The following CACNA2D3 variants were observed in gnomAD, a reference collection of about 807,000 sequenced individuals.
CACNA2D3 encodes calcium voltage-gated channel auxiliary subunit alpha2delta 3, also known as voltage-dependent calcium channel subunit alpha-2/delta-3.
CACNA2D3 carries 60 observed loss-of-function variants against 160.6 expected under a neutral mutation model. The ratio of observed to expected loss-of-function variants is 0.37; its 90% CI spans 0.30 to 0.46. The LOEUF (loss-of-function observed/expected upper bound fraction) is 0.46. Ranked by LOEUF, CACNA2D3 falls within the 20% of genes least tolerant of loss-of-function variation. The pLI, the probability that CACNA2D3 is intolerant of heterozygous loss-of-function variation, is 1.00. For synonymous variants in CACNA2D3, 558 were observed against 492.9 expected, an observed-to-expected ratio of 1.13 and a Z score of -1.75; for missense variants, 1,205 against 1,365.0, an observed-to-expected ratio of 0.88 and a Z score of 1.85.
chr3:54,503,354 C>T (rs1397208450), intron 4 of CACNA2D3, 138 bp from the exon 5 acceptor site: 16 of 697,942 alleles, frequency 2.3e-5, no homozygotes, highest in Admixed American at 5.2e-5. Flanking sequence ...ATGGACAGTA[C>T]ATAAGACATA....
chr3:54,322,173 G>C (rs1162863795), intron 3 of CACNA2D3, among the ~76,000 whole-genome samples: 2 of 152,202 alleles, frequency 1.3e-5, no homozygotes, highest in Non-Finnish European at 2.9e-5. Flanking sequence ...CCAGAACCTA[G>C]ACCTCACCTC....
At chr3:54,588,107 T>C (rs1443931333) in intron 9 of CACNA2D3, among the ~76,000 whole-genome samples, 2 of 152,134 alleles carry the variant, frequency 1.3e-5, no homozygotes, top group African/African-American at 2.4e-5. Flanking sequence ...TAAAAAATAA[T>C]ATGCTACCTG....
chr3:54,581,944 A>T, intron 9 of CACNA2D3, 67 bp downstream of exon 9: 1 of 1,343,830 alleles, frequency 7.4e-7, no homozygotes, highest in East Asian at 2.4e-5. Context: ...TGATTGTTTC[A>T]CAATAAATCT....
At chr3:54,151,414 G>A (rs980918964) in intron 2 of CACNA2D3, among the ~76,000 whole-genome samples, 2 of 151,938 alleles carry the variant, frequency 1.3e-5, no homozygotes, top group Non-Finnish European at 2.9e-5. Flanking sequence ...GGGATGGATA[G>A]TTGGGGGAGG....
intron 27 of CACNA2D3, 101 bp from the exon 28 acceptor site, chr3:54,968,349 T>G: frequency 2.7e-6 from 2 of 750,922 alleles, no homozygotes; most frequent in South Asian, 3.1e-5. Flanking sequence ...TTTTATATGC[T>G]TATATCAGCT....
chr3:54,192,876 A>G (rs1191864061), intron 2 of CACNA2D3, among the ~76,000 whole-genome samples: 1 of 152,182 alleles, frequency 6.6e-6, no homozygotes, highest in Non-Finnish European at 1.5e-5. Flanking sequence ...TTCCTCAGGG[A>G]GAATCAGATC....
At chr3:54,632,431 C>G (rs1416292257) in intron 10 of CACNA2D3, 2 of 152,178 alleles carry the variant, frequency 1.3e-5, no homozygotes, top group African/African-American at 4.8e-5. Flanking sequence ...TATGCATTGG[C>G]TTGTTGCTGA....
intron 30 of CACNA2D3, among the ~76,000 whole-genome samples, chr3:54,986,478 G>A (rs1377963002): frequency 6.6e-6 from 1 of 152,136 alleles, no homozygotes; most frequent in Non-Finnish European, 1.5e-5. Context: ...CGCCCACAGA[G>A]TTTGCAAAAG....
chr3:54,696,399 C>T (rs1477075486), intron 11 of CACNA2D3, among the ~76,000 whole-genome samples: 49 of 152,186 alleles, frequency 3.2e-4, no homozygotes, highest in South Asian at 2.1e-4. Flanking sequence ...CTATGAGGTC[C>T]GATGCTATTT....
At chr3:54,754,111 G>A (rs1701925010) in intron 12 of CACNA2D3, among the ~76,000 whole-genome samples, 1 of 152,174 alleles carries the variant, frequency 6.6e-6, no homozygotes, top group African/African-American at 2.4e-5. Context: ...TATTCATAAG[G>A]TTAATTGATT....
At chr3:55,000,092 C>T (rs541892801) in intron 31 of CACNA2D3, among the ~76,000 whole-genome samples, 2 of 152,190 alleles carry the variant, frequency 1.3e-5, no homozygotes, top group Admixed American at 6.5e-5. Flanking sequence ...AAGAATACAC[C>T]CCCACTGCTG....
intron 4 of CACNA2D3, among the ~76,000 whole-genome samples, chr3:54,446,892 G>T (rs1291707183): frequency 6.6e-6 from 1 of 152,176 alleles, no homozygotes; most frequent in East Asian, 1.9e-4. Flanking sequence ...GGCACCAAGT[G>T]AGTGTCTCTG....
At chr3:54,773,305 C>T (rs1436183363) in intron 13 of CACNA2D3, among the ~76,000 whole-genome samples, 1 of 152,176 alleles carries the variant, frequency 6.6e-6, no homozygotes, top group East Asian at 1.9e-4. Context: ...GGGTCAAAGC[C>T]ATCCTAAGGA....
At chr3:55,041,387 T>G (rs1703956523) in intron 35 of CACNA2D3, among the ~76,000 whole-genome samples, 1 of 152,232 alleles carries the variant, frequency 6.6e-6, no homozygotes, top group Admixed American at 6.5e-5. Context: ...TAGTAATGTA[T>G]GCAAGTACCT....
intron 4 of CACNA2D3, among the ~76,000 whole-genome samples, chr3:54,475,917 C>T (rs909392018): frequency 4.0e-5 from 6 of 150,624 alleles, no homozygotes; most frequent in Admixed American, 3.3e-4. Context: ...CTATTATTGC[C>T]ATGCTGTAAA....
intron 11 of CACNA2D3, among the ~76,000 whole-genome samples, chr3:54,665,734 A>G (rs1700054295): frequency 6.6e-6 from 1 of 152,028 alleles, no homozygotes; most frequent in Non-Finnish European, 1.5e-5. Flanking sequence ...CATTAATAGT[A>G]AGGGTTGTAG....
chr3:54,383,430 A>C (rs1699137482), intron 3 of CACNA2D3, among the ~76,000 whole-genome samples: 1 of 152,186 alleles, frequency 6.6e-6, no homozygotes, highest in Non-Finnish European at 1.5e-5. Flanking sequence ...ATCCATTCAA[A>C]GAGCTCCCTT....
chr3:54,711,215 G>T (rs1700946152), intron 11 of CACNA2D3, among the ~76,000 whole-genome samples: 2 of 152,230 alleles, frequency 1.3e-5, no homozygotes, highest in African/African-American at 4.8e-5. Flanking sequence ...TGTTCACTGG[G>T]TACCATGTAC....
intron 33 of CACNA2D3, among the ~76,000 whole-genome samples, chr3:55,008,563 G>T (rs1488559332): frequency 6.6e-6 from 1 of 152,094 alleles, no homozygotes. Flanking sequence ...CCATTTGATG[G>T]ATAGTCACTG....
Sources: gnomAD v4.1 joint callset for allele counts (sites outside exome capture counted in the v4.1 genomes callset) on GRCh38, gnomAD v4.1.1 for gene constraint, MANE v1.5 for transcripts, NCBI Gene and HGNC (gene_info 2026-07-23, HGNC 2026-07-21) for gene names.